Variants in MAGI2 observed in about 807,000 individuals in gnomAD.
MAGI2 encodes the protein membrane associated guanylate kinase, WW and PDZ domain containing 2.
Under a neutral mutation model 133.3 loss-of-function variants are expected in MAGI2, and 35 were observed. The ratio of observed to expected loss-of-function variants is 0.26; its 90% CI spans 0.20 to 0.35. MAGI2 has a LOEUF of 0.35. MAGI2 is among the 10% of genes least tolerant of loss of function. The probability of loss-of-function intolerance (pLI) is 1.00; values close to 1 mark genes in which losing one functional copy is unlikely to be tolerated. For missense variants in MAGI2, 1,636 were observed against 1,863.4 expected (o/e 0.88, Z 2.25); for synonymous variants, 729 against 710.6 (o/e 1.03, Z -0.41).
chr7:78,073,242 A>G (rs1395378158), intron 21 of MAGI2, among the ~76,000 whole-genome samples: 2 of 152,190 alleles, frequency 1.3e-5, no homozygotes, highest in Non-Finnish European at 2.9e-5. Context: ...GCCAAAACCT[A>G]TTATATTAAA....
chr7:78,539,052 A>G (rs1011725459), intron 3 of MAGI2, among the ~76,000 whole-genome samples: 2 of 152,222 alleles, frequency 1.3e-5, no homozygotes, highest in Non-Finnish European at 2.9e-5. Context: ...AGCCAGTACT[A>G]TGTTGAAAGA....
In MAGI2 at chr7:78,256,499, A is replaced by G; in HGVS notation, c.1491T>C (p.Pro497=). The G allele has an allele frequency of 6.2e-7, 1 of 1,613,992 alleles. No individual in the cohort carries two copies. The highest frequency in any genetic ancestry group is 8.5e-7 in the Non-Finnish European group (1 of 1,179,968). The change falls in exon 10 of 22, where the codon CCT becomes CCC. Residue 497 remains proline, a synonymous_variant. Coordinates refer to ENST00000354212, the MANE Select transcript of MAGI2 (RefSeq NM_012301.4). ...ADVVKLFQSV[P]IGQSVNLVLC... ...ACACCAGGTTGACACTCTGACCAATAGGAACAGACTGGAAAAGTTTGACAA... is the reference window on the plus strand; with the variant it reads ...ACACCAGGTTGACACTCTGACCAATGGGAACAGACTGGAAAAGTTTGACAA...
At chr7:78,030,328 A>G (rs1293527887) in intron 21 of MAGI2, among the ~76,000 whole-genome samples, 1 of 152,158 alleles carries the variant, frequency 6.6e-6, no homozygotes, top group Non-Finnish European at 1.5e-5. Context: ...CAATGGTGCG[A>G]TCTCAGCTCA....
chr7:78,956,301 T>A (rs1168059112), intron 2 of MAGI2, among the ~76,000 whole-genome samples: 1 of 152,118 alleles, frequency 6.6e-6, no homozygotes, highest in African/African-American at 2.4e-5. Flanking sequence ...ATTTTATTTT[T>A]AAAAATACCC....
chr7:79,051,953 T>C (rs2116995672), intron 1 of MAGI2, among the ~76,000 whole-genome samples: 1 of 152,310 alleles, frequency 6.6e-6, no homozygotes, highest in South Asian at 2.1e-4. Flanking sequence ...AGAGATTTTT[T>C]TGTAGGCCTT....
chr7:78,643,915 C>CAA (rs1332489751), intron 2 of MAGI2, among the ~76,000 whole-genome samples: 1 of 151,982 alleles, frequency 6.6e-6, no homozygotes, highest in Non-Finnish European at 1.5e-5. Flanking sequence ...TTTAAAAGAG[C>CAA]AAAACTCACC....
chr7:78,313,548 T>G (rs1338942364), intron 9 of MAGI2, among the ~76,000 whole-genome samples: 1 of 151,892 alleles, frequency 6.6e-6, no homozygotes. Flanking sequence ...AGTATGTGTG[T>G]AAAAACAGTT....
chr7:78,428,045 C>T (rs1322253788), intron 6 of MAGI2, among the ~76,000 whole-genome samples: 2 of 151,896 alleles, frequency 1.3e-5, no homozygotes, highest in Non-Finnish European at 2.9e-5. Flanking sequence ...CCCTTTTATT[C>T]CCAGAAAACA....
intron 7 of MAGI2, among the ~76,000 whole-genome samples, chr7:78,367,147 A>G (rs1793465116): frequency 7.0e-6 from 1 of 142,444 alleles, no homozygotes; most frequent in Non-Finnish European, 1.6e-5. Context: ...TACAAAGATA[A>G]GAAAAATTTT....
intron 21 of MAGI2, among the ~76,000 whole-genome samples, chr7:78,065,259 C>T (rs1813696261): frequency 6.6e-6 from 1 of 152,206 alleles, no homozygotes; most frequent in Non-Finnish European, 1.5e-5. Flanking sequence ...GTGACTTGCA[C>T]TGAATCCCAG....
chr7:78,951,423 G>A (rs1801864510), intron 2 of MAGI2, among the ~76,000 whole-genome samples: 2 of 152,132 alleles, frequency 1.3e-5, no homozygotes, highest in South Asian at 4.1e-4. Context: ...AATCATGGTG[G>A]AAGGGGAAGC....
chr7:78,046,891 T>C (rs778267455), intron 21 of MAGI2, among the ~76,000 whole-genome samples: 14 of 152,240 alleles, frequency 9.2e-5, no homozygotes, highest in Non-Finnish European at 1.9e-4. Context: ...TGTTCTTCCC[T>C]AATGAAAACA....
intron 1 of MAGI2, among the ~76,000 whole-genome samples, chr7:79,010,064 C>T (rs557606839): frequency 1.3e-4 from 20 of 151,900 alleles, no homozygotes; most frequent in African/African-American, 4.8e-4. Flanking sequence ...ATGTTATATG[C>T]ATATGTATAT....
At chr7:79,159,745 T>A (rs1585077231) in intron 1 of MAGI2, among the ~76,000 whole-genome samples, 1 of 152,076 alleles carries the variant, frequency 6.6e-6, no homozygotes, top group East Asian at 1.9e-4. Flanking sequence ...TTCTTTCTCT[T>A]TCGAAAAGGC....
At chr7:79,415,872 A>G (rs1258021864) in intron 1 of MAGI2, among the ~76,000 whole-genome samples, 3 of 152,208 alleles carry the variant, frequency 2.0e-5, no homozygotes, top group Non-Finnish European at 4.4e-5. Context: ...GGTCTCTTCC[A>G]CAGTACAGGA....
In MAGI2 at chr7:78,720,634, G is replaced by A. The variant is rs568633804; in HGVS notation, c.419-93395C>T. ...GGTACAGGACACCACCATATACAAA[G>A]CAGCTTACTAATGTACAGCTGTCGT... is the stretch of plus-strand genomic sequence containing the variant. On this transcript the variant is annotated intron_variant, in intron 2 of 21. Coordinates refer to ENST00000354212, the MANE Select transcript of MAGI2 (RefSeq NM_012301.4). Among the ~76,000 whole-genome samples, 58 of 152,108 alleles carry A rather than the reference G, an allele frequency of 3.8e-4. 1 individual carries two copies. The highest frequency in any genetic ancestry group is 1.4e-3 in the African/African-American group (57 of 41,538).
Position 79,369,166 on chromosome 7 carries a change from C to T in MAGI2, c.301+83854G>A, listed in dbSNP as rs188357312. 4.2e-3 allele frequency among the ~76,000 whole-genome samples: 644 copies of T among 152,254 alleles called. 1 individual carries two copies. The highest frequency in any genetic ancestry group is 0.02 in the South Asian group (97 of 4,824). ...ACACTTCAAATAAAGGGCTTGAGAG[C>T]AGGCTTTAGATAAATACCTAAAACT... On this transcript the variant is annotated intron_variant, in intron 1 of 21. Transcript: ENST00000354212.
intron 1 of MAGI2, among the ~76,000 whole-genome samples, chr7:79,158,114 G>T (rs1823996759): frequency 6.6e-6 from 1 of 151,802 alleles, no homozygotes. Flanking sequence ...TTCACCTGAG[G>T]TAGTTTCCTT....
At chr7:78,091,042 A>ATG (rs754389330) in intron 20 of MAGI2, among the ~76,000 whole-genome samples, 109 of 103,854 alleles carry the variant, frequency 1.0e-3, no homozygotes, top group Non-Finnish European at 2.2e-3. Flanking sequence ...ACTGATGTGT[A>ATG]TGTGTGTGTA....
Sources: gnomAD v4.1 joint callset for allele counts (sites outside exome capture counted in the v4.1 genomes callset) on GRCh38, gnomAD v4.1.1 for gene constraint, MANE v1.5 for transcripts, NCBI Gene and HGNC (gene_info 2026-07-23, HGNC 2026-07-21) for gene names.